Variants in NPSR1 observed in about 807,000 individuals in gnomAD.
NPSR1 encodes the protein neuropeptide S receptor.
A neutral mutation model predicts 46.9 loss-of-function variants in NPSR1; 48 were observed. The observed-to-expected ratio is 1.02, with a 90% confidence interval of 0.81 to 1.30. The LOEUF is 1.30. Among genes scored for constraint, NPSR1 ranks in the 50% most tolerant of loss-of-function variants. The pLI is 0.00. For missense variants in NPSR1, 450 were observed against 449.5 expected, an observed-to-expected ratio of 1.00 and a Z score of -0.01; for synonymous variants, 176 against 168.1, an observed-to-expected ratio of 1.05 and a Z score of -0.36.
chr7:34,841,783 C>G (rs529007793), intron 6 of NPSR1, among the ~76,000 whole-genome samples: 1 of 152,172 alleles, frequency 6.6e-6, no homozygotes, highest in Non-Finnish European at 1.5e-5. Flanking sequence ...GATTTCAGAG[C>G]ACAAATGTCA....
At chr7:34,804,999 T>C (rs1267366789) in intron 3 of NPSR1, among the ~76,000 whole-genome samples, 1 of 151,738 alleles carries the variant, frequency 6.6e-6, no homozygotes, top group Non-Finnish European at 1.5e-5. Flanking sequence ...CAAGATCTAT[T>C]GAAGACGACT....
chr7:34,876,204 A>G (rs904694217), intron 8 of NPSR1, among the ~76,000 whole-genome samples: 112 of 152,082 alleles, frequency 7.4e-4, no homozygotes, highest in African/African-American at 1.1e-3. Flanking sequence ...GAGAAAGAAG[A>G]GGGAAGGGAA....
chr7:34,766,056 A>T (rs1687856396), intron 2 of NPSR1, among the ~76,000 whole-genome samples: 3 of 152,114 alleles, frequency 2.0e-5, no homozygotes, highest in African/African-American at 7.2e-5. Context: ...AATCATTTCT[A>T]AAAAAAGAAA....
intron 2 of NPSR1, among the ~76,000 whole-genome samples, chr7:34,724,885 T>G (rs903902463): frequency 6.6e-6 from 1 of 152,158 alleles, no homozygotes; most frequent in Admixed American, 6.5e-5. Flanking sequence ...TCATAGTATG[T>G]AGCAAAGTCC....
At chr7:34,733,088 C>T (rs1054245366) in intron 2 of NPSR1, among the ~76,000 whole-genome samples, 2 of 152,114 alleles carry the variant, frequency 1.3e-5, no homozygotes, top group African/African-American at 4.8e-5. Context: ...AATGATGAAA[C>T]GGTGGTTAAC....
At chr7:34,730,731 T>C (rs1784382030) in intron 2 of NPSR1, among the ~76,000 whole-genome samples, 1 of 152,212 alleles carries the variant, frequency 6.6e-6, no homozygotes, top group African/African-American at 2.4e-5. Flanking sequence ...TTTTTTATTA[T>C]AGCAACTATC....
At chr7:34,791,837 G>A (rs1393298399) in intron 3 of NPSR1, among the ~76,000 whole-genome samples, 2 of 152,102 alleles carry the variant, frequency 1.3e-5, no homozygotes, top group African/African-American at 2.4e-5. Flanking sequence ...TGTTGTACTG[G>A]CATGAAGGCA....
chr7:34,842,892 C>T (rs527449967), intron 6 of NPSR1, among the ~76,000 whole-genome samples: 25 of 152,336 alleles, frequency 1.6e-4, no homozygotes, highest in African/African-American at 5.5e-4. Context: ...TTCTCTCCTC[C>T]ACTCTCCACG....
chr7:34,726,781 A>T (rs1409846565), intron 2 of NPSR1, among the ~76,000 whole-genome samples: 1 of 151,556 alleles, frequency 6.6e-6, no homozygotes, highest in Non-Finnish European at 1.5e-5. Flanking sequence ...ATTCCCAAGT[A>T]TATGACATTC....
intron 3 of NPSR1, among the ~76,000 whole-genome samples, chr7:34,797,988 A>G (rs752514645): frequency 1.6e-4 from 24 of 152,182 alleles, no homozygotes; most frequent in Non-Finnish European, 2.9e-4. Flanking sequence ...AAAACAGGAA[A>G]TTTCTCAAAA....
chr7:34,769,971 C>T (rs1210752371), intron 2 of NPSR1, among the ~76,000 whole-genome samples: 1 of 152,162 alleles, frequency 6.6e-6, no homozygotes, highest in Non-Finnish European at 1.5e-5. Flanking sequence ...ACTTAGGTAA[C>T]TAAATAGCTT....
At chr7:34,713,492 A>G (rs1418716050) in intron 2 of NPSR1, among the ~76,000 whole-genome samples, 1 of 152,054 alleles carries the variant, frequency 6.6e-6, no homozygotes. Flanking sequence ...TATTATGCAT[A>G]TTTTAAATAT....
At chr7:34,793,640 G>A (rs1370195331) in intron 3 of NPSR1, among the ~76,000 whole-genome samples, 2 of 152,082 alleles carry the variant, frequency 1.3e-5, no homozygotes, top group Non-Finnish European at 2.9e-5. Flanking sequence ...AATTAGAACA[G>A]TCACTATAAA....
At chr7:34,846,846 A>C (rs947008786) in intron 7 of NPSR1, among the ~76,000 whole-genome samples, 1 of 152,250 alleles carries the variant, frequency 6.6e-6, no homozygotes, top group Admixed American at 6.5e-5. Flanking sequence ...GTCAGGGATA[A>C]CTATATAGAG....
At chr7:34,704,400 C>A (rs1007791227) in intron 2 of NPSR1, among the ~76,000 whole-genome samples, 1 of 151,978 alleles carries the variant, frequency 6.6e-6, no homozygotes, top group Non-Finnish European at 1.5e-5. Flanking sequence ...TTCTACGTGA[C>A]CATTTCTTTA....
intron 6 of NPSR1, among the ~76,000 whole-genome samples, chr7:34,842,600 G>A (rs945247164): frequency 4.6e-5 from 7 of 152,212 alleles, no homozygotes; most frequent in East Asian, 1.9e-4. Flanking sequence ...GCGGAGGTTC[G>A]TGGTCCCATG....
At chr7:34,661,431 G>A (rs992585563) in intron 1 of NPSR1, among the ~76,000 whole-genome samples, 4 of 152,058 alleles carry the variant, frequency 2.6e-5, no homozygotes, top group Admixed American at 2.0e-4. Flanking sequence ...GTCTTGCTCC[G>A]TCCACTTACC....
At chr7:34,696,791 T>C (rs2128693321) in intron 2 of NPSR1, among the ~76,000 whole-genome samples, 1 of 151,994 alleles carries the variant, frequency 6.6e-6, no homozygotes, top group Non-Finnish European at 1.5e-5. Flanking sequence ...CCAATAATTT[T>C]CCCAAACTCT....
chr7:34,751,019 A>T, intron 2 of NPSR1: 3 of 771,408 alleles, frequency 3.9e-6, no homozygotes, highest in Non-Finnish European at 7.2e-6. Flanking sequence ...TGGCCAGGGC[A>T]GCAATTTGAG....
Sources: gnomAD v4.1 joint callset for allele counts (sites outside exome capture counted in the v4.1 genomes callset) on GRCh38, gnomAD v4.1.1 for gene constraint, MANE v1.5 for transcripts, NCBI Gene and HGNC (gene_info 2026-07-23, HGNC 2026-07-21) for gene names.